UCK2: variants seen among roughly 807,000 people sequenced by gnomAD.
The protein encoded by UCK2 is uridine-cytidine kinase 2, also known as cytidine monophosphokinase 2.
Under a neutral mutation model 30.8 loss-of-function variants are expected in UCK2, and 6 were observed. The ratio of observed to expected loss-of-function variants is 0.19; its 90% CI spans 0.11 to 0.38. The LOEUF (loss-of-function observed/expected upper bound fraction) is 0.38. Among genes scored for constraint, UCK2 ranks in the 10% least tolerant of loss-of-function variants. The pLI is 1.00. For synonymous variants in UCK2, 125 were observed against 133.6 expected, an observed-to-expected ratio of 0.94 and a Z score of 0.45; for missense variants, 210 against 339.8, an observed-to-expected ratio of 0.62 and a Z score of 3.00.
At chr1:165,873,347 G>A (rs1001032871) in intron 1 of UCK2, among the ~76,000 whole-genome samples, 2 of 152,170 alleles carry the variant, frequency 1.3e-5, no homozygotes, top group Non-Finnish European at 2.9e-5. Context: ...CCACCGTCTT[G>A]GACACAAGCT....
At chr1:165,881,113 C>T (rs1050666034) in intron 1 of UCK2, among the ~76,000 whole-genome samples, 1 of 143,646 alleles carries the variant, frequency 7.0e-6, no homozygotes, top group Non-Finnish European at 1.5e-5. Context: ...GCAGAGGTTG[C>T]AGTGAGCTGA....
At position 165,861,559 on chromosome 1, in the gene UCK2, C is replaced by T. The variant is rs1298586064; in HGVS notation, c.100-28645C>T. Among the ~76,000 whole-genome samples the T allele has an allele frequency of 6.6e-5, 8 of 120,738 alleles. 1 individual carries two copies. Among genetic ancestry groups the T allele is most frequent in the African/African-American group, 2.6e-4 (8 of 31,100 alleles). The allele number at this position is 120,738 out of a possible 152,430, so 79.2% of individuals were successfully genotyped here. Reference sequence around the variant, plus strand: ...AGGAGAATGGCGTGAACCCAGGAGGCGGAGCTTGCAGTGAGCCGAGATCCC... The same window carrying T: ...AGGAGAATGGCGTGAACCCAGGAGGTGGAGCTTGCAGTGAGCCGAGATCCC... On this transcript the variant is annotated intron_variant, in intron 1 of 6. Transcript: ENST00000367879.
chr1:165,858,378 C>G (rs1482335033), intron 1 of UCK2, among the ~76,000 whole-genome samples: 2 of 152,152 alleles, frequency 1.3e-5, no homozygotes, highest in South Asian at 2.1e-4. Context: ...GGGTCTGTCA[C>G]TACTGCCCTG....
intron 1 of UCK2, among the ~76,000 whole-genome samples, chr1:165,863,764 A>C (rs555893961): frequency 5.8e-4 from 88 of 152,338 alleles, no homozygotes; most frequent in Non-Finnish European, 1.1e-3. Flanking sequence ...AATACAGAAT[A>C]TTAGTAGTAG....
At chr1:165,902,851 G>T in intron 4 of UCK2, 1 of 212,368 alleles carries the variant, frequency 4.7e-6, no homozygotes, top group Non-Finnish European at 9.7e-6. Context: ...GAGCTCTCCA[G>T]GAGTGCCCTG....
intron 3 of UCK2, among the ~76,000 whole-genome samples, chr1:165,893,045 G>T (rs1655808906): frequency 6.6e-6 from 1 of 152,168 alleles, no homozygotes; most frequent in African/African-American, 2.4e-5. Flanking sequence ...TTGTTGTAGT[G>T]GAAAGGTCAT....
chr1:165,877,802 G>A (rs1460314369), intron 1 of UCK2, among the ~76,000 whole-genome samples: 1 of 152,112 alleles, frequency 6.6e-6, no homozygotes, highest in Non-Finnish European at 1.5e-5. Context: ...TTAGTTGCAT[G>A]TTTATTATCT....
chr1:165,878,603 C>T (rs1465585636), intron 1 of UCK2, among the ~76,000 whole-genome samples: 3 of 152,180 alleles, frequency 2.0e-5, no homozygotes, highest in Admixed American at 2.0e-4. Flanking sequence ...CTTGGCCTCC[C>T]AAAGTGCTGG....
chr1:165,905,833 C>A, intron 5 of UCK2, 88 bp from the exon 6 acceptor site: 2 of 1,250,652 alleles, frequency 1.6e-6, no homozygotes, highest in Non-Finnish European at 2.3e-6. Flanking sequence ...AGTATGAATG[C>A]TGCCCTTTCC....
chr1:165,867,649 G>A (rs1655080035), intron 1 of UCK2, among the ~76,000 whole-genome samples: 1 of 152,072 alleles, frequency 6.6e-6, no homozygotes, highest in African/African-American at 2.4e-5. Flanking sequence ...CTCCTTATTT[G>A]TTCACATTTT....
chr1:165,887,392 T>G (rs1655642850), intron 1 of UCK2, among the ~76,000 whole-genome samples: 1 of 152,220 alleles, frequency 6.6e-6, no homozygotes, highest in Non-Finnish European at 1.5e-5. Flanking sequence ...TTGTACAGGT[T>G]CTGTCCTAGA....
intron 1 of UCK2, among the ~76,000 whole-genome samples, chr1:165,887,920 T>C (rs1326490512): frequency 6.6e-6 from 1 of 152,236 alleles, no homozygotes; most frequent in Admixed American, 6.5e-5. Flanking sequence ...CAGAGTAGTT[T>C]TAAATGTTTT....
chr1:165,907,988 C>A lies in UCK2; in HGVS notation c.*165C>A. 2.0e-6 allele frequency: 2 copies of A among 991,062 alleles called. No homozygotes were observed. Among genetic ancestry groups the A allele is most frequent in the Non-Finnish European group, 2.8e-6 (2 of 710,214 alleles). The allele number at this position is 991,062 out of a possible 1,614,324, so 61.4% of individuals were successfully genotyped here. On this transcript the variant is annotated 3_prime_UTR_variant, in exon 7 of 7. Coordinates refer to ENST00000367879, the MANE Select transcript of UCK2 (RefSeq NM_012474.5). ...TTTTTCTTTTTGTACTTTGGAACGA[C>A]AAAATGAAACAGAACTTGACCCTGA...
intron 1 of UCK2, among the ~76,000 whole-genome samples, chr1:165,863,039 C>T (rs10918297): frequency 6.6e-6 from 1 of 151,998 alleles, no homozygotes. Context: ...CATAGGAAAC[C>T]TATTATGTGC....
rs573910956 is a variant in UCK2 at position 165,842,873 on chromosome 1, G to A, written c.99+14941G>A. Among the ~76,000 whole-genome samples, 11 of 152,176 alleles carry A rather than the reference G, an allele frequency of 7.2e-5. 1 individual carries two copies. The highest frequency in any genetic ancestry group is 4.6e-4 in the Admixed American group (7 of 15,270). On this transcript the variant is annotated intron_variant, in intron 1 of 6. Transcript: ENST00000367879. Reference sequence around the variant, plus strand: ...CCTGTCACTCCCTCTTTGCCTTATCGGTCCTCCCCAACCCTGAGTTGTCAG... The same window carrying A: ...CCTGTCACTCCCTCTTTGCCTTATCAGTCCTCCCCAACCCTGAGTTGTCAG...
chr1:165,898,178 C>T (rs1647333139), intron 4 of UCK2, among the ~76,000 whole-genome samples: 1 of 152,172 alleles, frequency 6.6e-6, no homozygotes, highest in Non-Finnish European at 1.5e-5. Context: ...GTGTGATACA[C>T]AGGGACAGAT....
chr1:165,887,721 C>T (rs2101879832), intron 1 of UCK2, among the ~76,000 whole-genome samples: 1 of 152,144 alleles, frequency 6.6e-6, no homozygotes, highest in South Asian at 2.1e-4. Context: ...AATTGAGGGC[C>T]TACAGGTGTT....
chr1:165,876,763 G>A (rs922569856), intron 1 of UCK2, among the ~76,000 whole-genome samples: 2 of 152,222 alleles, frequency 1.3e-5, no homozygotes, highest in African/African-American at 4.8e-5. Context: ...GGTGTGGGCA[G>A]TGTTGGCCTC....
At chr1:165,865,876 G>T (rs1655033251) in intron 1 of UCK2, among the ~76,000 whole-genome samples, 1 of 152,208 alleles carries the variant, frequency 6.6e-6, no homozygotes, top group African/African-American at 2.4e-5. Flanking sequence ...ACTCAGGCCA[G>T]TTCTTTTGAT....
Sources: gnomAD v4.1 joint callset for allele counts (sites outside exome capture counted in the v4.1 genomes callset) on GRCh38, gnomAD v4.1.1 for gene constraint, MANE v1.5 for transcripts, NCBI Gene and HGNC (gene_info 2026-07-23, HGNC 2026-07-21) for gene names.